The following HNRNPC variants were observed in gnomAD, a reference collection of about 807,000 sequenced individuals.
The protein encoded by HNRNPC is heterogeneous nuclear ribonucleoproteins C1/C2.
A neutral mutation model predicts 33.2 loss-of-function variants in HNRNPC; 3 were observed. That is an observed-to-expected ratio of 0.09 (90% CI 0.04 to 0.23). The LOEUF (loss-of-function observed/expected upper bound fraction) is 0.23. Ranked by LOEUF, HNRNPC falls within the 10% of genes least tolerant of loss-of-function variation. The probability of loss-of-function intolerance (pLI) is 1.00; values close to 1 mark genes in which losing one functional copy is unlikely to be tolerated. For missense variants in HNRNPC, 143 were observed against 366.7 expected (o/e 0.39, Z 4.98); for synonymous variants, 121 against 126.7 (o/e 0.96, Z 0.30).
intron 5 of HNRNPC, among the ~76,000 whole-genome samples, chr14:21,224,634 AC>A (rs1256357030): frequency 6.6e-6 from 1 of 152,146 alleles, no homozygotes; most frequent in Non-Finnish European, 1.5e-5. Context: ...ACCATTTAAC[AC>A]ATCTTTTTTC....
intron 3 of HNRNPC, 49 bp downstream of exon 3, chr14:21,233,904 T>A: frequency 1.9e-6 from 3 of 1,576,076 alleles, no homozygotes; most frequent in Non-Finnish European, 1.7e-6. Flanking sequence ...AAAACGTGAA[T>A]AGAAAAACTC....
At chr14:21,214,869 A>G (rs1411377388) in intron 5 of HNRNPC, among the ~76,000 whole-genome samples, 1 of 152,196 alleles carries the variant, frequency 6.6e-6, no homozygotes, top group Non-Finnish European at 1.5e-5. Context: ...GTGAATCAAA[A>G]TAAGTTATCC....
At chr14:21,219,974 C>T (rs189128443) in intron 5 of HNRNPC, among the ~76,000 whole-genome samples, 235 of 152,312 alleles carry the variant, frequency 1.5e-3, no homozygotes, top group African/African-American at 5.5e-3. Flanking sequence ...TTCTCAGCAA[C>T]ACCTTTAAGA....
intron 5 of HNRNPC, among the ~76,000 whole-genome samples, chr14:21,224,986 C>T (rs927937009): frequency 2.0e-5 from 3 of 152,114 alleles, no homozygotes; most frequent in African/African-American, 2.4e-5. Flanking sequence ...TTAAAAAGTC[C>T]TCAGAAAGAC....
chr14:21,229,041 C>A (rs762582275), intron 5 of HNRNPC, among the ~76,000 whole-genome samples: 7 of 146,386 alleles, frequency 4.8e-5, no homozygotes, highest in African/African-American at 1.8e-4. Context: ...GCCAAAATCA[C>A]GCCACTTCAC....
chr14:21,242,473 G>A (rs1055205247), intron 2 of HNRNPC, among the ~76,000 whole-genome samples: 4 of 152,194 alleles, frequency 2.6e-5, no homozygotes, highest in Non-Finnish European at 4.4e-5. Context: ...GTCAGTGCAA[G>A]ACTCCGTCTC....
chr14:21,260,866 G>A (rs1008208962), intron 2 of HNRNPC, among the ~76,000 whole-genome samples: 3 of 151,468 alleles, frequency 2.0e-5, no homozygotes, highest in Non-Finnish European at 4.4e-5. Flanking sequence ...GGGAGGCTGA[G>A]GCAGGAGAAT....
chr14:21,257,769 C>T (rs1594323940), intron 2 of HNRNPC, among the ~76,000 whole-genome samples: 1 of 152,230 alleles, frequency 6.6e-6, no homozygotes. Flanking sequence ...CAGGCTCTTG[C>T]TATGTTGCCA....
intron 2 of HNRNPC, among the ~76,000 whole-genome samples, chr14:21,257,045 C>A (rs1877343244): frequency 6.6e-6 from 1 of 152,124 alleles, no homozygotes; most frequent in Non-Finnish European, 1.5e-5. Flanking sequence ...AAAATTGTTT[C>A]ATTAACTGAA....
chr14:21,226,895 A>G (rs1490275855), intron 5 of HNRNPC, among the ~76,000 whole-genome samples: 22 of 106,646 alleles, frequency 2.1e-4, no homozygotes, highest in Non-Finnish European at 3.2e-4. Flanking sequence ...AAAAAAAAAA[A>G]GGGGGGGGGG....
At chr14:21,248,949 G>C (rs1276299952) in intron 2 of HNRNPC, among the ~76,000 whole-genome samples, 1 of 152,172 alleles carries the variant, frequency 6.6e-6, no homozygotes, top group Non-Finnish European at 1.5e-5. Flanking sequence ...TTATTTCAGT[G>C]CAGCAATCCA....
chr14:21,262,790 C>T (rs558750813), intron 2 of HNRNPC: 1 of 151,922 alleles, frequency 6.6e-6, no homozygotes, highest in South Asian at 2.1e-4. Context: ...AATGCCATCA[C>T]GATCATAAGT....
At chr14:21,213,423 GT>G in intron 5 of HNRNPC, 1 of 300,270 alleles carries the variant, frequency 3.3e-6, no homozygotes. Flanking sequence ...CTGTACTAGT[GT>G]CAGTATTAAC....
intron 5 of HNRNPC, among the ~76,000 whole-genome samples, chr14:21,217,539 C>T (rs1444645878): frequency 1.3e-5 from 2 of 152,036 alleles, no homozygotes; most frequent in East Asian, 3.9e-4. Flanking sequence ...TAGATTATTA[C>T]CACATTGTTG....
At chr14:21,225,996 T>G (rs552781458) in intron 5 of HNRNPC, among the ~76,000 whole-genome samples, 2 of 152,204 alleles carry the variant, frequency 1.3e-5, no homozygotes, top group African/African-American at 4.8e-5. Flanking sequence ...AAGACTTTTA[T>G]GAGAATTTTT....
At chr14:21,232,793 T>C (rs577334050) in intron 3 of HNRNPC, among the ~76,000 whole-genome samples, 1 of 152,328 alleles carries the variant, frequency 6.6e-6, no homozygotes, top group South Asian at 2.1e-4. Context: ...CCCAGCACTT[T>C]GGGAGGCCAA....
chr14:21,226,906 G>A (rs961801487), intron 5 of HNRNPC, among the ~76,000 whole-genome samples: 4 of 127,248 alleles, frequency 3.1e-5, no homozygotes, highest in South Asian at 2.9e-4. Flanking sequence ...GGGGGGGGGG[G>A]GACAGTGATT....
chr14:21,232,808 G>A (rs963756073), intron 3 of HNRNPC, among the ~76,000 whole-genome samples: 5 of 152,186 alleles, frequency 3.3e-5, no homozygotes, highest in Non-Finnish European at 7.4e-5. Context: ...GGCCAAAGCG[G>A]GAGGATCACC....
chr14:21,217,079 A>C (rs2139493019), intron 5 of HNRNPC, among the ~76,000 whole-genome samples: 1 of 152,342 alleles, frequency 6.6e-6, no homozygotes, highest in Middle Eastern at 3.4e-3. Flanking sequence ...ACTTTTCTGA[A>C]GAAAAATATT....
Sources: allele counts gnomAD v4.1 joint callset (sites outside exome capture counted in the v4.1 genomes callset), GRCh38; gene constraint gnomAD v4.1.1; transcripts MANE v1.5; gene names NCBI Gene and HGNC (gene_info 2026-07-23, HGNC 2026-07-21).